GPR158: variants seen among roughly 807,000 people sequenced by gnomAD.
GPR158 encodes the protein metabotropic glycine receptor.
GPR158 carries 30 observed loss-of-function variants against 78.2 expected under a neutral mutation model. The observed-to-expected ratio is 0.38, with a 90% CI of 0.29 to 0.52. The LOEUF (loss-of-function observed/expected upper bound fraction) is 0.52, where lower values mean the gene tolerates loss of function less well. Among genes scored for constraint, GPR158 ranks in the 20% least tolerant of loss-of-function variants. The pLI is 0.83. For synonymous variants in GPR158, 581 were observed against 591.1 expected (o/e 0.98, Z 0.25); for missense variants, 1,463 against 1,523.5 (o/e 0.96, Z 0.66).
At chr10:25,445,367 C>T (rs759474001) in intron 4 of GPR158, among the ~76,000 whole-genome samples, 3 of 152,036 alleles carry the variant, frequency 2.0e-5, no homozygotes, top group Non-Finnish European at 4.4e-5. Context: ...CTGGAAGGAG[C>T]ACAGCATGTA....
At chr10:25,233,147 G>T (rs1193784196) in intron 2 of GPR158, among the ~76,000 whole-genome samples, 2 of 152,168 alleles carry the variant, frequency 1.3e-5, no homozygotes, top group African/African-American at 4.8e-5. Flanking sequence ...GAGGATTTTG[G>T]TCCATGCGCT....
intron 2 of GPR158, chr10:25,393,531 G>T (rs895841319): frequency 6.6e-6 from 1 of 152,132 alleles, no homozygotes; most frequent in African/African-American, 2.4e-5. Context: ...CTCCTCTCAG[G>T]ATCCTTTGAT....
rs1029875995 is a variant in GPR158 at position 25,433,063 on chromosome 10, C to T, written c.1335+20590C>T. On this transcript the variant is annotated intron_variant, in intron 4 of 10. Transcript: ENST00000376351. Reference sequence around the variant, plus strand: ...AGTCACCATTTTAGTTGGATATTATCCTCATTTTACATTTGAATAAACCCA... The same window carrying T: ...AGTCACCATTTTAGTTGGATATTATTCTCATTTTACATTTGAATAAACCCA... Among the ~76,000 whole-genome samples the T allele has an allele frequency of 2.6e-5, 4 of 152,124 alleles. No homozygotes were observed. In the South Asian group the frequency reaches 8.3e-4, roughly 32 times the overall value.
At chr10:25,368,727 G>C (rs889458430) in intron 2 of GPR158, among the ~76,000 whole-genome samples, 2 of 151,690 alleles carry the variant, frequency 1.3e-5, no homozygotes, top group African/African-American at 2.4e-5. Context: ...TTGGTAGCTT[G>C]ATGGGGATGG....
At chr10:25,446,266 T>G (rs1053361657) in intron 4 of GPR158, among the ~76,000 whole-genome samples, 2 of 152,190 alleles carry the variant, frequency 1.3e-5, no homozygotes, top group African/African-American at 4.8e-5. Flanking sequence ...CAGAGATGCC[T>G]TAAAATAAGT....
At chr10:25,288,349 T>C (rs769306580) in intron 2 of GPR158, among the ~76,000 whole-genome samples, 58 of 152,306 alleles carry the variant, frequency 3.8e-4, no homozygotes, top group Non-Finnish European at 7.9e-4. Flanking sequence ...GCTCTTTTAT[T>C]TTACAAGTGA....
At chr10:25,230,618 C>G (rs754399523) in intron 2 of GPR158, among the ~76,000 whole-genome samples, 1 of 152,054 alleles carries the variant, frequency 6.6e-6, no homozygotes, top group African/African-American at 2.4e-5. Context: ...ATCAAAATAG[C>G]TATTATATGG....
At chr10:25,262,481 A>T (rs1475466402) in intron 2 of GPR158, among the ~76,000 whole-genome samples, 1 of 152,132 alleles carries the variant, frequency 6.6e-6, no homozygotes, top group Non-Finnish European at 1.5e-5. Flanking sequence ...AAATTTTGTG[A>T]TATATTATTT....
At chr10:25,437,619 C>A (rs1211849275) in intron 4 of GPR158, among the ~76,000 whole-genome samples, 3 of 152,158 alleles carry the variant, frequency 2.0e-5, no homozygotes, top group East Asian at 3.9e-4. Context: ...GCCCTAACAC[C>A]ATTTGCAGTA....
intron 1 of GPR158, among the ~76,000 whole-genome samples, chr10:25,200,223 T>G (rs1017769957): frequency 6.6e-6 from 1 of 152,198 alleles, no homozygotes; most frequent in Non-Finnish European, 1.5e-5. Flanking sequence ...TGGTGTGAGA[T>G]GGTATCATTG....
intron 1 of GPR158, 108 bp from the exon 2 acceptor site, chr10:25,220,944 C>T (rs956543389): frequency 8.2e-5 from 55 of 672,496 alleles, no homozygotes; most frequent in Non-Finnish European, 2.7e-5. Flanking sequence ...GGCAATTTGA[C>T]AATTTTTGGC....
intron 2 of GPR158, among the ~76,000 whole-genome samples, chr10:25,332,978 A>G (rs912835645): frequency 1.3e-5 from 2 of 152,176 alleles, no homozygotes; most frequent in African/African-American, 4.8e-5. Context: ...CTTGCCTGAC[A>G]TGAACTGGCC....
At chr10:25,579,121 C>G (rs1390441226) in intron 7 of GPR158, among the ~76,000 whole-genome samples, 1 of 151,448 alleles carries the variant, frequency 6.6e-6, no homozygotes, top group East Asian at 1.9e-4. Context: ...ATTTTGGAAA[C>G]TGTTGGTAGT....
chr10:25,473,279 C>T (rs1327612382), intron 5 of GPR158, among the ~76,000 whole-genome samples: 1 of 152,046 alleles, frequency 6.6e-6, no homozygotes, highest in Non-Finnish European at 1.5e-5. Context: ...GTATATTGAA[C>T]CAGCCTTGCA....
chr10:25,434,589 G>A (rs1361851356), intron 4 of GPR158, among the ~76,000 whole-genome samples: 1 of 152,110 alleles, frequency 6.6e-6, no homozygotes, highest in Admixed American at 6.5e-5. Flanking sequence ...GTTTAGCTAG[G>A]TTTATGAAAA....
chr10:25,242,351 A>G (rs938090861), intron 2 of GPR158, among the ~76,000 whole-genome samples: 3 of 152,260 alleles, frequency 2.0e-5, no homozygotes, highest in African/African-American at 7.2e-5. Flanking sequence ...TGTGCTATGA[A>G]TTAGAATAAT....
intron 4 of GPR158, among the ~76,000 whole-genome samples, chr10:25,422,317 C>T (rs192636627): frequency 3.7e-4 from 57 of 152,274 alleles, no homozygotes; most frequent in Non-Finnish European, 6.0e-4. Flanking sequence ...TTACCACCTA[C>T]GCTCCACCTG....
At chr10:25,430,474 C>T (rs1834885936) in intron 4 of GPR158, among the ~76,000 whole-genome samples, 1 of 147,730 alleles carries the variant, frequency 6.8e-6, no homozygotes, top group Non-Finnish European at 1.5e-5. Context: ...CCCCATCGAG[C>T]TACCAATGAC....
At chr10:25,574,124 T>C (rs1588918965) in intron 7 of GPR158, among the ~76,000 whole-genome samples, 1 of 121,956 alleles carries the variant, frequency 8.2e-6, no homozygotes, top group Non-Finnish European at 1.6e-5. Context: ...CAAAGGCCAC[T>C]AGTTTTTATT....
Sources: gnomAD v4.1 joint callset for allele counts (sites outside exome capture counted in the v4.1 genomes callset) on GRCh38, gnomAD v4.1.1 for gene constraint, MANE v1.5 for transcripts, NCBI Gene and HGNC (gene_info 2026-07-23, HGNC 2026-07-21) for gene names.